ARL17B: variants seen among roughly 807,000 people sequenced by gnomAD.
ARL17B encodes the protein ADP-ribosylation factor-like protein 17.
At chr17:46,288,215 C>G (rs1412973168) in intron 4 of ARL17B, among the ~76,000 whole-genome samples, 3 of 152,196 alleles carry the variant, frequency 2.0e-5, no homozygotes, top group Admixed American at 1.3e-4. Context: ...GATCACGGCC[C>G]CCTGCAGCCT....
chr17:46,282,846 C>T (rs1335040868), intron 4 of ARL17B, among the ~76,000 whole-genome samples: 1 of 152,190 alleles, frequency 6.6e-6, no homozygotes, highest in African/African-American at 2.4e-5. Flanking sequence ...GGGCTGGGCG[C>T]GGTGGCTCAT....
At chr17:46,351,015 T>C (rs2052727496) in intron 3 of ARL17B, among the ~76,000 whole-genome samples, 1 of 22,738 alleles carries the variant, frequency 4.4e-5, no homozygotes, top group African/African-American at 6.5e-5. Flanking sequence ...CTTTTTTTTT[T>C]TTTTTTGAGA....
intron 3 of ARL17B, among the ~76,000 whole-genome samples, chr17:46,348,689 G>GTCCAAGA (rs1252110180): frequency 1.5e-4 from 17 of 110,044 alleles, no homozygotes; most frequent in Non-Finnish European, 2.4e-4. Context: ...TCAAGTGCCA[G>GTCCAAGA]TCCAAGATAA....
intron 4 of ARL17B, among the ~76,000 whole-genome samples, chr17:46,276,220 T>G (rs2049583433): frequency 6.6e-6 from 1 of 152,270 alleles, no homozygotes; most frequent in Non-Finnish European, 1.5e-5. Context: ...ACCAAATTAC[T>G]GTACAGTTAC....
At chr17:46,276,804 T>TTTA in intron 4 of ARL17B, among the ~76,000 whole-genome samples, 1 of 151,400 alleles carries the variant, frequency 6.6e-6, no homozygotes, top group African/African-American at 2.4e-5. Flanking sequence ...TTTTTTTTTT[T>TTTA]TTTGATTTGT....
At chr17:46,288,215 C>T (rs1412973168) in intron 4 of ARL17B, among the ~76,000 whole-genome samples, 1 of 152,196 alleles carries the variant, frequency 6.6e-6, no homozygotes, top group East Asian at 1.9e-4. Flanking sequence ...GATCACGGCC[C>T]CCTGCAGCCT....
At chr17:46,311,177 C>T in intron 3 of ARL17B, 4 of 388,700 alleles carry the variant, frequency 1.0e-5, no homozygotes, top group South Asian at 2.6e-5. Flanking sequence ...CTCACCATTT[C>T]AGATTCTCTA....
rs138578091 is a variant in ARL17B, at chr17:46,284,900, C to T, written c.*22-9482G>A. Among the ~76,000 whole-genome samples, 523 of 152,328 alleles carry T rather than the reference C, an allele frequency of 3.4e-3. 2 individuals carry two copies. The highest frequency in any genetic ancestry group is 0.024 in the Middle Eastern group (7 of 294). On this transcript the variant is annotated intron_variant, in intron 4 of 4. Coordinates refer to the ARL17B transcript ENST00000570618. ...CCCCCATTGTTTTGAGACAGGGTCT[C>T]GCTCTGTCATCCAGGCTGGAGTGGA...
chr17:46,289,735 T>C (rs1416670186), intron 4 of ARL17B, among the ~76,000 whole-genome samples: 2 of 152,258 alleles, frequency 1.3e-5, no homozygotes, highest in African/African-American at 4.8e-5. Context: ...CTAAATCTTA[T>C]AGTCTCTCAG....
chr17:46,357,194 G>T (rs1351677797), intron 2 of ARL17B, among the ~76,000 whole-genome samples: 2 of 106,628 alleles, frequency 1.9e-5, no homozygotes, highest in African/African-American at 3.7e-5. Flanking sequence ...AAAAAAGAAA[G>T]TTGATCATTT....
intron 4 of ARL17B, among the ~76,000 whole-genome samples, chr17:46,285,636 T>G (rs1349672379): frequency 6.6e-6 from 1 of 152,184 alleles, no homozygotes; most frequent in Non-Finnish European, 1.5e-5. Flanking sequence ...AAAAATAAAA[T>G]GTATAAAGAA....
intron 4 of ARL17B, among the ~76,000 whole-genome samples, chr17:46,279,067 G>T (rs2696527): frequency 0.12 from 18,544 of 149,584 alleles, 2 homozygotes; most frequent in Middle Eastern, 0.19. Flanking sequence ...CAAAGTGTTG[G>T]GATTATAGGC....
At chr17:46,291,225 A>G (rs1164691592) in intron 4 of ARL17B, among the ~76,000 whole-genome samples, 1 of 152,254 alleles carries the variant, frequency 6.6e-6, no homozygotes, top group Non-Finnish European at 1.5e-5. Flanking sequence ...GGGAGAACCA[A>G]GATGGTATAG....
chr17:46,285,399 C>T (rs2696503), intron 4 of ARL17B, among the ~76,000 whole-genome samples: 3 of 151,986 alleles, frequency 2.0e-5, no homozygotes, highest in African/African-American at 7.3e-5. Flanking sequence ...CGCCACCACA[C>T]CCGACTAGTT....
Position 46,339,211 on chromosome 17 carries a change from G to GA in ARL17B, c.*288dup, listed in dbSNP as rs1229846675. 1.2e-5 allele frequency among the ~76,000 whole-genome samples: 1 copy of GA among 85,360 alleles called. No homozygotes were observed. The highest frequency in any genetic ancestry group is 3.1e-5 in the African/African-American group (1 of 31,804). 56.0% of individuals were successfully genotyped at this position (85,360 alleles called of 152,430 possible). Reference sequence around the variant, plus strand: ...TAACCTAAAAGGAAAGTTTAAAAAGGAAAAAACACCTAGGAGAAAAGAAAA... The same window carrying GA: ...TAACCTAAAAGGAAAGTTTAAAAAGGAAAAAAACACCTAGGAGAAAAGAAAA... On this transcript the variant is annotated 3_prime_UTR_variant, in exon 4 of 4. Coordinates refer to ENST00000450673, the MANE Select transcript of ARL17B (RefSeq NM_001039083.5).
intron 4 of ARL17B, among the ~76,000 whole-genome samples, chr17:46,285,791 GATTGGAAACTTGAAATCCTAAC>G (rs1421992751): frequency 3.3e-5 from 5 of 152,208 alleles, no homozygotes; most frequent in Admixed American, 1.3e-4. Context: ...ATCACTCTAA[GATTGGAAACTTGAAATCCTAAC>G]ATTGGAAACT....
At chr17:46,350,505 T>C (rs1178474448) in intron 3 of ARL17B, among the ~76,000 whole-genome samples, 2 of 79,174 alleles carry the variant, frequency 2.5e-5, no homozygotes, top group Non-Finnish European at 7.0e-5. Context: ...GCCAAGCAAG[T>C]TAGATGGCAC....
At chr17:46,291,125 G>A (rs534787052) in intron 4 of ARL17B, among the ~76,000 whole-genome samples, 92 of 152,330 alleles carry the variant, frequency 6.0e-4, no homozygotes, top group African/African-American at 2.1e-3. Flanking sequence ...TATTTATAGA[G>A]AGAGACTGAA....
chr17:46,350,581 G>A (rs974895257), intron 3 of ARL17B, among the ~76,000 whole-genome samples: 1 of 89,332 alleles, frequency 1.1e-5, no homozygotes, highest in Admixed American at 1.1e-4. Context: ...AAAAAGGGGG[G>A]GGGAGGCCAG....
Sources: allele counts gnomAD v4.1 joint callset (sites outside exome capture counted in the v4.1 genomes callset), GRCh38; gene constraint gnomAD v4.1.1; transcripts MANE v1.5; gene names NCBI Gene and HGNC (gene_info 2026-07-23, HGNC 2026-07-21).